Variants in UBAC2 observed in about 807,000 individuals in gnomAD.
UBAC2 encodes the protein ubiquitin-associated domain-containing protein 2.
In UBAC2, 26 loss-of-function variants were observed where a neutral mutation model predicts 44.0. The ratio of observed to expected loss-of-function variants is 0.59; its 90% CI spans 0.43 to 0.82. UBAC2 has a LOEUF of 0.82. UBAC2 is among the 40% of genes least tolerant of loss of function. UBAC2 has a pLI of 0.00. For synonymous variants in UBAC2, 155 were observed against 154.3 expected (o/e 1.00, Z -0.04); for missense variants, 329 against 419.4 (o/e 0.78, Z 1.88).
chr13:99,292,427 C>G (rs1051750769), intron 4 of UBAC2, among the ~76,000 whole-genome samples: 1 of 152,118 alleles, frequency 6.6e-6, no homozygotes, highest in Admixed American at 6.5e-5. Context: ...CAGGCATGAG[C>G]CACTGCGCCC....
At chr13:99,271,761 A>G (rs1393219816) in intron 4 of UBAC2, among the ~76,000 whole-genome samples, 2 of 151,954 alleles carry the variant, frequency 1.3e-5, no homozygotes, top group Non-Finnish European at 2.9e-5. Context: ...CAGTGGTTTC[A>G]TTTGCTCTTC....
chr13:99,315,175 A>G (rs1301652908), intron 5 of UBAC2, among the ~76,000 whole-genome samples: 2 of 151,828 alleles, frequency 1.3e-5, no homozygotes, highest in Non-Finnish European at 2.9e-5. Context: ...TTTATTCTCC[A>G]TCTCTCAACC....
intron 1 of UBAC2, among the ~76,000 whole-genome samples, chr13:99,225,565 A>T (rs1375823514): frequency 6.6e-6 from 1 of 152,224 alleles, no homozygotes; most frequent in Non-Finnish European, 1.5e-5. Context: ...TTCATCTGCC[A>T]GTGGACACTT....
intron 4 of UBAC2, among the ~76,000 whole-genome samples, chr13:99,262,710 C>CAAAAAAAAAAAAAAAAAAAAA (rs61627160): frequency 5.2e-5 from 3 of 57,158 alleles, no homozygotes; most frequent in Admixed American, 2.3e-4. Context: ...AACTCCCTCT[C>CAAAAAAAAAAAAAAAAAAAAA]AAAAAAAAAA....
Position 99,237,152 on chromosome 13 carries a change from G to A in UBAC2, c.32-1275G>A, listed in dbSNP as rs553162117. On this transcript the variant is annotated intron_variant, in intron 1 of 8. Coordinates refer to ENST00000403766, the MANE Select transcript of UBAC2 (RefSeq NM_001144072.2). The stretch of plus-strand genomic sequence containing the variant: ...AATGCAGATGTGAGCCATCAGGCCC[G>A]GCCTTCTTTGTTGTATACTTCCATC... Among the ~76,000 whole-genome samples, 22 of 152,068 alleles carry A rather than the reference G, an allele frequency of 1.4e-4. No individual in the cohort carries two copies. In the East Asian group the frequency reaches 2.9e-3, roughly 20 times the overall value.
intron 4 of UBAC2, among the ~76,000 whole-genome samples, chr13:99,288,148 C>T (rs2044044356): frequency 6.6e-6 from 1 of 152,162 alleles, no homozygotes; most frequent in South Asian, 2.1e-4. Context: ...CATGTAGTTT[C>T]ATTCTGACAC....
At chr13:99,201,734 G>A (rs1288070166) in intron 1 of UBAC2, among the ~76,000 whole-genome samples, 1 of 152,234 alleles carries the variant, frequency 6.6e-6, no homozygotes, top group Non-Finnish European at 1.5e-5. Flanking sequence ...TCCATGTGAA[G>A]TTAATGCTGC....
intron 6 of UBAC2, among the ~76,000 whole-genome samples, chr13:99,338,489 A>G (rs1454741383): frequency 6.6e-6 from 1 of 152,084 alleles, no homozygotes; most frequent in Non-Finnish European, 1.5e-5. Flanking sequence ...GTCCCACAGG[A>G]CTCTCTGCAG....
chr13:99,219,750 C>T (rs1330180562), intron 1 of UBAC2, among the ~76,000 whole-genome samples: 2 of 152,204 alleles, frequency 1.3e-5, no homozygotes, highest in Non-Finnish European at 2.9e-5. Context: ...CTGACAAACA[C>T]TAATCTGCTT....
chr13:99,375,801 CTTTT>C (rs34318354), intron 8 of UBAC2, among the ~76,000 whole-genome samples: 1 of 110,882 alleles, frequency 9.0e-6, no homozygotes. Context: ...TCCTTTTTCC[CTTTT>C]TTTTTTTTTT....
rs551659450 is a variant in UBAC2, at chr13:99,385,481, G to A, written c.*146G>A. On this transcript the variant is annotated 3_prime_UTR_variant, in exon 9 of 9. Coordinates refer to ENST00000403766, the MANE Select transcript of UBAC2 (RefSeq NM_001144072.2). ...TTCCACCGCACCCCTGCCCTCAACC[G>A]CAAGACTGTTGCCGTTTTAGTGTGG... is the stretch of plus-strand genomic sequence containing the variant. 23 of 618,290 alleles carry A rather than the reference G, an allele frequency of 3.7e-5. No homozygotes were observed. Among genetic ancestry groups the A allele is most frequent in the East Asian group, 3.0e-4 (11 of 36,266 alleles). 38.3% of individuals were successfully genotyped at this position (618,290 alleles called of 1,614,324 possible).
At chr13:99,361,992 G>A (rs1030004929) in intron 7 of UBAC2, among the ~76,000 whole-genome samples, 3 of 152,094 alleles carry the variant, frequency 2.0e-5, no homozygotes, top group Admixed American at 6.5e-5. Flanking sequence ...GGACAATGTA[G>A]CAAGACCCTC....
At chr13:99,250,227 T>C (rs2043440870) in intron 4 of UBAC2, among the ~76,000 whole-genome samples, 1 of 152,244 alleles carries the variant, frequency 6.6e-6, no homozygotes, top group Non-Finnish European at 1.5e-5. Flanking sequence ...CATCTTGAAT[T>C]AATTTTTGTA....
intron 7 of UBAC2, among the ~76,000 whole-genome samples, chr13:99,356,508 T>G (rs2045185449): frequency 6.6e-6 from 1 of 152,198 alleles, no homozygotes; most frequent in East Asian, 1.9e-4. Flanking sequence ...AATAGTACTG[T>G]TTGAAGTATC....
At chr13:99,219,944 T>G (rs2043036284) in intron 1 of UBAC2, among the ~76,000 whole-genome samples, 2 of 152,250 alleles carry the variant, frequency 1.3e-5, no homozygotes, top group Admixed American at 6.5e-5. Context: ...GATATACATT[T>G]TGTTCATTTG....
intron 6 of UBAC2, among the ~76,000 whole-genome samples, chr13:99,321,081 A>T (rs2044561641): frequency 1.3e-5 from 2 of 152,252 alleles, no homozygotes; most frequent in African/African-American, 4.8e-5. Context: ...TGAAACCAGT[A>T]ATTCACTTAA....
In UBAC2 at chr13:99,262,283, T is replaced by C. The variant is rs1221857406; in HGVS notation, c.389+17659T>C. Among the ~76,000 whole-genome samples the C allele has an allele frequency of 2.6e-5, 4 of 152,080 alleles. No homozygotes were observed. In the South Asian group the frequency reaches 8.3e-4, roughly 31 times the overall value. The stretch of plus-strand genomic sequence containing the variant: ...GTATGTATGTACAGGAAAAAAATAG[T>C]AAGTATAGGGTTTGGTACTATCTGC... On this transcript the variant is annotated intron_variant, in intron 4 of 8. Coordinates refer to ENST00000403766, the MANE Select transcript of UBAC2 (RefSeq NM_001144072.2).
At chr13:99,228,717 G>A (rs1437381569) in intron 1 of UBAC2, among the ~76,000 whole-genome samples, 1 of 152,174 alleles carries the variant, frequency 6.6e-6, no homozygotes, top group Non-Finnish European at 1.5e-5. Flanking sequence ...GGTTGGTTAG[G>A]CTTATAGTCA....
chr13:99,349,541 G>A (rs1213968993), intron 7 of UBAC2, among the ~76,000 whole-genome samples: 1 of 152,196 alleles, frequency 6.6e-6, no homozygotes, highest in Non-Finnish European at 1.5e-5. Flanking sequence ...GGGGGTCAGG[G>A]TAAGGAGGGT....
Sources: gnomAD v4.1 joint callset for allele counts (sites outside exome capture counted in the v4.1 genomes callset) on GRCh38, gnomAD v4.1.1 for gene constraint, MANE v1.5 for transcripts, NCBI Gene and HGNC (gene_info 2026-07-23, HGNC 2026-07-21) for gene names.